Variants in DLG2 observed in about 807,000 individuals in gnomAD.
The protein encoded by DLG2 is discs large MAGUK scaffold protein 2.
DLG2 carries 45 observed loss-of-function variants against 132.5 expected under a neutral mutation model. The ratio of observed to expected loss-of-function variants is 0.34; its 90% CI spans 0.27 to 0.44. The LOEUF is 0.44. Ranked by LOEUF, DLG2 falls within the 20% of genes least tolerant of loss-of-function variation. The pLI is 1.00. For missense variants in DLG2, 1,045 were observed against 1,196.9 expected (o/e 0.87, Z 1.87); for synonymous variants, 424 against 419.6 (o/e 1.01, Z -0.13).
rs71465019 is a variant in DLG2, at chr11:85,087,844, C to CAAA, written c.357+23814_357+23816dup. On this transcript the variant is annotated intron_variant, in intron 6 of 27. Coordinates refer to ENST00000376104, the MANE Select transcript of DLG2 (RefSeq NM_001142699.3). ...TGGGCGACAGAGCGAGACTCCGTCT[C>CAAA]AAAAAAAAAAAAAAAAAAAAAAAAA... 7.7e-3 allele frequency among the ~76,000 whole-genome samples: 170 copies of CAAA among 21,958 alleles called. 6 individuals are homozygous for CAAA. Among genetic ancestry groups the CAAA allele is most frequent in the African/African-American group, 0.014 (112 of 8,286 alleles). The allele number at this position is 21,958 out of a possible 152,430, so 14.4% of individuals were successfully genotyped here. A position where few individuals can be genotyped will look rare whatever the true frequency, so the allele number is the denominator to read the frequency against.
chr11:83,832,137 A>G (rs1325234738), intron 17 of DLG2, among the ~76,000 whole-genome samples: 2 of 152,224 alleles, frequency 1.3e-5, no homozygotes, highest in Non-Finnish European at 2.9e-5. Context: ...AGAATAAATA[A>G]TAGTTATGCA....
chr11:85,068,776 T>G (rs1031309900), intron 6 of DLG2, among the ~76,000 whole-genome samples: 4 of 152,098 alleles, frequency 2.6e-5, no homozygotes, highest in African/African-American at 9.7e-5. Flanking sequence ...ACCAATGACT[T>G]TCTTCACAGA....
intron 3 of DLG2, among the ~76,000 whole-genome samples, chr11:85,520,054 T>TA (rs1267222721): frequency 6.6e-6 from 1 of 151,220 alleles, no homozygotes; most frequent in Non-Finnish European, 1.5e-5. Context: ...TTTTTTTTTT[T>TA]ATATTTGGTG....
chr11:83,739,484 T>C (rs541674152), intron 18 of DLG2, among the ~76,000 whole-genome samples: 1 of 152,180 alleles, frequency 6.6e-6, no homozygotes, highest in South Asian at 2.1e-4. Context: ...TTCTGTGATA[T>C]TAATCAGTAA....
intron 6 of DLG2, among the ~76,000 whole-genome samples, chr11:84,765,679 T>C (rs1484134087): frequency 6.6e-6 from 1 of 152,078 alleles, no homozygotes; most frequent in African/African-American, 2.4e-5. Context: ...AATTTAAAAA[T>C]ATTTAAGCAA....
At chr11:85,437,607 A>G (rs1420055719) in intron 3 of DLG2, among the ~76,000 whole-genome samples, 1 of 152,194 alleles carries the variant, frequency 6.6e-6, no homozygotes, top group African/African-American at 2.4e-5. Flanking sequence ...TATATTTTAC[A>G]AACTCTATTC....
intron 19 of DLG2, among the ~76,000 whole-genome samples, chr11:83,586,288 G>A (rs186988455): frequency 8.2e-4 from 125 of 152,294 alleles, no homozygotes; most frequent in African/African-American, 2.7e-3. Context: ...ACCAACATAG[G>A]GAGAATCTTT....
intron 6 of DLG2, chr11:84,545,652 C>A: frequency 3.4e-6 from 1 of 290,670 alleles, no homozygotes; most frequent in South Asian, 4.4e-5. Context: ...TTAAGAGTTA[C>A]AAAGGCAAAA....
chr11:84,208,247 A>G (rs1054083374), intron 8 of DLG2, among the ~76,000 whole-genome samples: 1 of 152,150 alleles, frequency 6.6e-6, no homozygotes, highest in African/African-American at 2.4e-5. Flanking sequence ...GTGTAAAACC[A>G]AACTGTAACA....
intron 6 of DLG2, among the ~76,000 whole-genome samples, chr11:84,673,393 C>G (rs1048115545): frequency 2.0e-5 from 3 of 151,822 alleles, no homozygotes; most frequent in Non-Finnish European, 4.4e-5. Context: ...GGATACAGAC[C>G]TGAATTTGAA....
At chr11:85,137,220 A>G (rs1341243892) in intron 5 of DLG2, among the ~76,000 whole-genome samples, 1 of 152,178 alleles carries the variant, frequency 6.6e-6, no homozygotes, top group Non-Finnish European at 1.5e-5. Flanking sequence ...TTAGAAAAAC[A>G]GTAATAAATA....
At chr11:85,180,707 C>T (rs573966006) in intron 4 of DLG2, among the ~76,000 whole-genome samples, 28 of 151,914 alleles carry the variant, frequency 1.8e-4, no homozygotes, top group Admixed American at 6.6e-4. Flanking sequence ...GTCAGAGCTG[C>T]AAATGTACTT....
At chr11:83,615,286 G>T (rs1291023979) in intron 19 of DLG2, among the ~76,000 whole-genome samples, 1 of 152,166 alleles carries the variant, frequency 6.6e-6, no homozygotes, top group African/African-American at 2.4e-5. Flanking sequence ...GTTGTGACAG[G>T]CACTTTACAA....
chr11:85,285,219 C>T lies in DLG2; in HGVS notation c.186+1G>A, dbSNP rs745826363. ...TTCTTTTGGAAGTTTCAGTAGTATA[C>T]CTCTGAAGATTTTTGAAGTCTGTCA... On this transcript the variant is annotated splice_donor_variant, in intron 4 of 27. Coordinates refer to ENST00000376104, the MANE Select transcript of DLG2 (RefSeq NM_001142699.3). LOFTEE classifies it high-confidence loss of function. The T allele has an allele frequency of 2.5e-6, 4 of 1,610,564 alleles. No individual in the cohort carries two copies. The highest frequency in any genetic ancestry group is 1.1e-5 in the South Asian group (1 of 90,816).
intron 6 of DLG2, among the ~76,000 whole-genome samples, chr11:84,692,142 G>A (rs2058116631): frequency 6.6e-6 from 1 of 151,696 alleles, no homozygotes; most frequent in African/African-American, 2.4e-5. Flanking sequence ...GCGCGCGACA[G>A]ATGAATTAAT....
At chr11:84,526,868 T>C (rs930991411) in intron 7 of DLG2, among the ~76,000 whole-genome samples, 1 of 140,754 alleles carries the variant, frequency 7.1e-6, no homozygotes, top group Non-Finnish European at 1.5e-5. Flanking sequence ...AAGCTCCGCC[T>C]CCCGGGTTCA....
intron 19 of DLG2, among the ~76,000 whole-genome samples, chr11:83,550,420 G>A (rs1228836514): frequency 6.6e-6 from 1 of 152,138 alleles, no homozygotes; most frequent in Non-Finnish European, 1.5e-5. Context: ...AGTCATCAGA[G>A]TCTCCAGGGA....
At chr11:83,719,953 A>G (rs996715182) in intron 18 of DLG2, among the ~76,000 whole-genome samples, 1 of 152,096 alleles carries the variant, frequency 6.6e-6, no homozygotes, top group Non-Finnish European at 1.5e-5. Flanking sequence ...TGCTATCTCC[A>G]CATCCAGAAC....
At chr11:85,387,314 T>C (rs1443876988) in intron 3 of DLG2, among the ~76,000 whole-genome samples, 2 of 152,232 alleles carry the variant, frequency 1.3e-5, no homozygotes, top group Non-Finnish European at 2.9e-5. Context: ...TCCAGTAAAC[T>C]ATAAGATGAT....
Sources: allele counts gnomAD v4.1 joint callset (sites outside exome capture counted in the v4.1 genomes callset), GRCh38; gene constraint gnomAD v4.1.1; transcripts MANE v1.5; gene names NCBI Gene and HGNC (gene_info 2026-07-23, HGNC 2026-07-21).